Variants in SERPINE2 observed in about 807,000 individuals in gnomAD.
SERPINE2 encodes serpin family E member 2, also known as glia-derived nexin.
Under a neutral mutation model 36.3 loss-of-function variants are expected in SERPINE2, and 14 were observed. The ratio of observed to expected loss-of-function variants is 0.39; its 90% CI spans 0.25 to 0.60. The LOEUF (loss-of-function observed/expected upper bound fraction) is 0.60, where lower values mean the gene tolerates loss of function less well. SERPINE2 is among the 20% of genes least tolerant of loss of function. The pLI is 0.57. For missense variants in SERPINE2, 418 were observed against 499.6 expected (o/e 0.84, Z 1.56); for synonymous variants, 192 against 191.8 (o/e 1.00, Z -0.01).
chr2:224,036,410 C>A lies in SERPINE2; in HGVS notation c.-23+2689G>T, dbSNP rs548776111. Among the ~76,000 whole-genome samples, 13 of 149,898 alleles carry A rather than the reference C, an allele frequency of 8.7e-5. No homozygotes were observed. In the South Asian group the frequency reaches 1.3e-3, roughly 15 times the overall value. The stretch of plus-strand genomic sequence containing the variant: ...TGCCACGGAGAAACCTAGTGGGTAT[C>A]CATAAGATTGCTTGTTCAGATGAGA... On this transcript the variant is annotated intron_variant, in intron 1 of 8. Coordinates refer to ENST00000409304, the MANE Select transcript of SERPINE2 (RefSeq NM_001136528.2).
chr2:224,026,520 C>T (rs1161551392), intron 1 of SERPINE2, among the ~76,000 whole-genome samples: 3 of 152,210 alleles, frequency 2.0e-5, no homozygotes, highest in African/African-American at 7.2e-5. Context: ...CAGCCAGTCA[C>T]TCATGGATCT....
chr2:224,005,168 A>T (rs1197071899), intron 1 of SERPINE2, among the ~76,000 whole-genome samples: 1 of 148,846 alleles, frequency 6.7e-6, no homozygotes, highest in Non-Finnish European at 1.5e-5. Context: ...TCTTAAAGTC[A>T]CAAGGACAGT....
chr2:224,020,402 C>T (rs1221757355), intron 1 of SERPINE2, among the ~76,000 whole-genome samples: 1 of 152,162 alleles, frequency 6.6e-6, no homozygotes, highest in African/African-American at 2.4e-5. Context: ...AACAAGATAA[C>T]ACCTTAGCGT....
At chr2:224,032,119 A>G (rs914916286) in intron 1 of SERPINE2, among the ~76,000 whole-genome samples, 2 of 152,262 alleles carry the variant, frequency 1.3e-5, no homozygotes, top group Admixed American at 1.3e-4. Flanking sequence ...AATCCTCAGT[A>G]AGAATAACTT....
At chr2:224,018,218 T>G (rs948376454) in intron 1 of SERPINE2, among the ~76,000 whole-genome samples, 15 of 152,192 alleles carry the variant, frequency 9.9e-5, no homozygotes, top group African/African-American at 2.9e-4. Context: ...CGATTTTCCT[T>G]GTGTTCTTTC....
intron 1 of SERPINE2, among the ~76,000 whole-genome samples, chr2:224,035,190 C>T (rs933833657): frequency 6.6e-6 from 1 of 152,086 alleles, no homozygotes; most frequent in Non-Finnish European, 1.5e-5. Context: ...CCCAGGCTGT[C>T]GATGATCGTC....
chr2:224,027,228 T>C (rs1692216133), intron 1 of SERPINE2, among the ~76,000 whole-genome samples: 1 of 152,154 alleles, frequency 6.6e-6, no homozygotes. Context: ...ACTCCCCTAA[T>C]CTCGCATAGG....
intron 1 of SERPINE2, among the ~76,000 whole-genome samples, chr2:224,007,574 T>C (rs1013768360): frequency 1.5e-4 from 23 of 152,204 alleles, no homozygotes; most frequent in Non-Finnish European, 1.8e-4. Context: ...TTAAAATAGA[T>C]ATCCATGACA....
rs565166121 is a variant in SERPINE2, at chr2:224,036,204, C to T, written c.-23+2895G>A. Among the ~76,000 whole-genome samples, 20 of 151,904 alleles carry T rather than the reference C, an allele frequency of 1.3e-4. No homozygotes were observed. In the South Asian group the frequency reaches 3.1e-3, roughly 24 times the overall value. On this transcript the variant is annotated intron_variant, in intron 1 of 8. Coordinates refer to ENST00000409304, the MANE Select transcript of SERPINE2 (RefSeq NM_001136528.2). Reference sequence around the variant, plus strand: ...GGACTCGCTTCATATTGGTGAGAGTCGAAGCTGTGGGAACATGGTTCACCC... The same window carrying T: ...GGACTCGCTTCATATTGGTGAGAGTTGAAGCTGTGGGAACATGGTTCACCC...
intron 1 of SERPINE2, among the ~76,000 whole-genome samples, chr2:224,031,991 G>A (rs549426942): frequency 2.0e-5 from 3 of 152,156 alleles, no homozygotes; most frequent in African/African-American, 7.2e-5. Flanking sequence ...TGCTTGAGTG[G>A]GCAGTGTCAG....
intron 1 of SERPINE2, among the ~76,000 whole-genome samples, chr2:224,021,734 T>A (rs1202375676): frequency 6.6e-6 from 1 of 152,200 alleles, no homozygotes; most frequent in African/African-American, 2.4e-5. Flanking sequence ...AGTATCTGAA[T>A]TTAAAGTTAA....
chr2:224,029,524 T>C (rs1692289320), intron 1 of SERPINE2, among the ~76,000 whole-genome samples: 1 of 152,238 alleles, frequency 6.6e-6, no homozygotes, highest in Non-Finnish European at 1.5e-5. Context: ...GCTTTAACAA[T>C]ATTCACCATA....
At chr2:224,037,209 A>G (rs1005042564) in intron 1 of SERPINE2, among the ~76,000 whole-genome samples, 1 of 152,170 alleles carries the variant, frequency 6.6e-6, no homozygotes, top group Admixed American at 6.5e-5. Flanking sequence ...TAAACACAGA[A>G]AAGTCTGTAC....
chr2:224,030,562 G>A (rs1692329747), intron 1 of SERPINE2: 1 of 152,370 alleles, frequency 6.6e-6, no homozygotes, highest in Admixed American at 6.5e-5. Context: ...GAGATGTTTA[G>A]AAATTTGGCT....
chr2:224,018,872 C>T (rs551298717), intron 1 of SERPINE2, among the ~76,000 whole-genome samples: 28 of 152,210 alleles, frequency 1.8e-4, no homozygotes, highest in Non-Finnish European at 3.2e-4. Flanking sequence ...TCCTCTATCC[C>T]CAGCCCAAGC....
At chr2:223,983,736 A>ATGTGTGTGTG (rs71058971) in intron 5 of SERPINE2, among the ~76,000 whole-genome samples, 69 of 82,828 alleles carry the variant, frequency 8.3e-4, no homozygotes, top group East Asian at 2.7e-3. Context: ...ATGTGTGTAT[A>ATGTGTGTGTG]TGTGTGTGTG....
At chr2:224,000,194 G>A (rs1412639467) in intron 2 of SERPINE2, among the ~76,000 whole-genome samples, 9 of 152,140 alleles carry the variant, frequency 5.9e-5, no homozygotes, top group African/African-American at 2.2e-4. Context: ...GGAAGAACAC[G>A]GGCAGGAAGA....
At chr2:223,977,091 C>T (rs574313166) in intron 8 of SERPINE2, among the ~76,000 whole-genome samples, 72 of 152,308 alleles carry the variant, frequency 4.7e-4, no homozygotes, top group African/African-American at 1.7e-3. Context: ...CCTGAGGCTT[C>T]CCTAGCCATG....
At chr2:224,008,233 G>A (rs1163472232) in intron 1 of SERPINE2, among the ~76,000 whole-genome samples, 1 of 152,132 alleles carries the variant, frequency 6.6e-6, no homozygotes, top group Non-Finnish European at 1.5e-5. Context: ...TATGATGACC[G>A]CCTAAGTGCA....
Sources: allele counts gnomAD v4.1 joint callset (sites outside exome capture counted in the v4.1 genomes callset), GRCh38; gene constraint gnomAD v4.1.1; transcripts MANE v1.5; gene names NCBI Gene and HGNC (gene_info 2026-07-23, HGNC 2026-07-21).